Variants in POC1B observed in about 807,000 individuals in gnomAD.
POC1B encodes POC1 centriolar protein homolog B.
Under a neutral mutation model 60.6 loss-of-function variants are expected in POC1B, and 44 were observed. That is an observed-to-expected ratio of 0.73 (90% CI 0.57 to 0.93). The LOEUF is 0.93. POC1B is among the 40% of genes least tolerant of loss of function. The pLI, the probability that POC1B is intolerant of heterozygous loss-of-function variation, is 0.00. For missense variants in POC1B, 555 were observed against 572.3 expected (o/e 0.97, Z 0.31); for synonymous variants, 180 against 198.9 (o/e 0.90, Z 0.80).
chr12:89,491,430 C>T (rs1474838303), intron 4 of POC1B, among the ~76,000 whole-genome samples: 2 of 151,930 alleles, frequency 1.3e-5, no homozygotes, highest in Non-Finnish European at 2.9e-5. Context: ...TTGAGACCAG[C>T]TTGGGCAACA....
intron 2 of POC1B, among the ~76,000 whole-genome samples, chr12:89,512,317 G>A (rs191645181): frequency 6.6e-6 from 1 of 152,114 alleles, no homozygotes; most frequent in Non-Finnish European, 1.5e-5. Flanking sequence ...AGGAGCTGTG[G>A]GTGCTTTAAA....
rs940464973 is a variant in POC1B at position 89,526,027 on chromosome 12, TACA to T, written c.-135_-133del. On this transcript the variant is annotated 5_prime_UTR_variant, in exon 1 of 12. Coordinates refer to ENST00000313546, the MANE Select transcript of POC1B (RefSeq NM_172240.3). ...CAGAGCGGCAGCGCCTCCCGGTCAC[TACA>T]ACAACGGCGGCCCAGTCAAACCCCG... The T allele has an allele frequency of 6.5e-7, 1 of 1,535,972 alleles. No homozygotes were observed.
At chr12:89,467,401 T>C (rs1882723944) in intron 8 of POC1B, among the ~76,000 whole-genome samples, 1 of 152,194 alleles carries the variant, frequency 6.6e-6, no homozygotes, top group Non-Finnish European at 1.5e-5. Flanking sequence ...TAGTTAAGTG[T>C]AAAATGAGCA....
At chr12:89,441,737 G>A (rs374831065) in intron 10 of POC1B, among the ~76,000 whole-genome samples, 19 of 152,200 alleles carry the variant, frequency 1.2e-4, no homozygotes, top group East Asian at 5.8e-4. Flanking sequence ...GCAGCTCCTC[G>A]CCAGCAACGG....
chr12:89,423,703 G>A (rs1182541137), intron 11 of POC1B, among the ~76,000 whole-genome samples: 1 of 152,188 alleles, frequency 6.6e-6, no homozygotes, highest in Admixed American at 6.5e-5. Context: ...CCTTTTGCAA[G>A]TGTGTTGTGC....
At chr12:89,470,842 C>T (rs970195757) in intron 6 of POC1B, among the ~76,000 whole-genome samples, 11 of 152,140 alleles carry the variant, frequency 7.2e-5, no homozygotes, top group African/African-American at 2.4e-4. Context: ...TAATTAGTGG[C>T]TTGGGATTAA....
chr12:89,509,786 A>G (rs753304781), intron 2 of POC1B, among the ~76,000 whole-genome samples: 1 of 152,192 alleles, frequency 6.6e-6, no homozygotes, highest in Non-Finnish European at 1.5e-5. Flanking sequence ...TACAAACAGT[A>G]GTTTCAGAAT....
rs950378216 is a variant in POC1B, at chr12:89,511,452, C to A, written c.100+13668G>T. 2.0e-5 allele frequency among the ~76,000 whole-genome samples: 3 copies of A among 151,936 alleles called. 1 individual carries two copies. The highest frequency in any genetic ancestry group is 7.3e-5 in the African/African-American group (3 of 41,362). ...AAAAAATTCCTGATAATTCAGATTA[C>A]CTTCATATAGAAATCCTTGGATTTT... On this transcript the variant is annotated intron_variant, in intron 2 of 11. Transcript: ENST00000313546.
chr12:89,502,430 C>T lies in POC1B; in HGVS notation c.101-5088G>A, dbSNP rs144808864. The T allele has an allele frequency of 3.2e-5, 43 of 1,343,454 alleles. No homozygotes were observed. The Admixed American group carries it at 7.4e-4, about 23-fold the overall frequency. The allele number at this position is 1,343,454 out of a possible 1,614,324, so 83.2% of individuals were successfully genotyped here. A position where few individuals can be genotyped will look rare whatever the true frequency, so the allele number is the denominator to read the frequency against. The stretch of plus-strand genomic sequence containing the variant: ...TTCGTGATTAGTGGAATACTATCTC[C>T]AGGCAAAATATCGTCTAAAAGGAAG... On this transcript the variant is annotated intron_variant, in intron 2 of 11. Transcript: ENST00000313546.
downstream of POC1B, among the ~76,000 whole-genome samples, chr12:89,418,924 T>A (rs896387707): frequency 6.6e-6 from 1 of 152,164 alleles, no homozygotes; most frequent in African/African-American, 2.4e-5. Flanking sequence ...AGGAGGCAAC[T>A]GTAGTCTTCC....
At position 89,459,711 on chromosome 12, in the gene POC1B, G is replaced by A. The variant is rs2120804981; in HGVS notation, c.1040C>T (p.Pro347Leu). 6.5e-7 allele frequency: 1 copy of A among 1,529,664 alleles called. No individual in the cohort carries two copies. Among genetic ancestry groups the A allele is most frequent in the Non-Finnish European group, 8.8e-7 (1 of 1,133,766 alleles). The allele number at this position is 1,529,664 out of a possible 1,614,324, so 94.8% of individuals were successfully genotyped here. A position where few individuals can be genotyped will look rare whatever the true frequency, so the allele number is the denominator to read the frequency against. ...EEKVETVEIN[P>L]KLEVIDLQIS... is the part of the protein sequence containing the mutation. Reference sequence around the variant, plus strand: ...CTGCAAATCGATTACCTCAAGCTTTGGATTAATCTGTGTATATACATAAAA... The same window carrying A: ...CTGCAAATCGATTACCTCAAGCTTTAGATTAATCTGTGTATATACATAAAA... The change falls in exon 10 of 12, where the codon CCA becomes CTA. Residue 347 changes from proline (P) to leucine (L), a missense_variant. Transcript: ENST00000313546.
At chr12:89,501,877 C>A (rs878950659) in intron 2 of POC1B, 2 of 1,208,738 alleles carry the variant, frequency 1.7e-6, no homozygotes, top group Admixed American at 1.7e-5. Flanking sequence ...CCAAAGAGTA[C>A]AGAAGTTTTT....
At chr12:89,459,519 G>A in intron 10 of POC1B, 119 bp downstream of exon 10, 1 of 346,932 alleles carries the variant, frequency 2.9e-6, no homozygotes, top group Admixed American at 5.4e-5. Flanking sequence ...ATACTAAAAT[G>A]TTAGGCTACA....
chr12:89,425,393 G>T lies in POC1B; in HGVS notation c.1114-14C>A, dbSNP rs1483146617. ...GGTTTCTGTTGTCTTTAATGTCACAGAAAATGTAGGAAGAGTTATATTTTC... is the reference window on the plus strand; with the variant it reads ...GGTTTCTGTTGTCTTTAATGTCACATAAAATGTAGGAAGAGTTATATTTTC... On this transcript the variant is annotated splice_polypyrimidine_tract_variant and intron_variant, in intron 10 of 11. Transcript: ENST00000313546. 6.3e-7 allele frequency: 1 copy of T among 1,592,662 alleles called. No individual in the cohort carries two copies. Among genetic ancestry groups the T allele is most frequent in the East Asian group, 2.2e-5 (1 of 44,722 alleles).
chr12:89,456,959 G>A (rs1227600443), intron 10 of POC1B, among the ~76,000 whole-genome samples: 1 of 152,066 alleles, frequency 6.6e-6, no homozygotes, highest in Admixed American at 6.6e-5. Context: ...ACAAATTAAG[G>A]TTTAAAGAGA....
intron 10 of POC1B, among the ~76,000 whole-genome samples, chr12:89,435,646 G>T (rs1881224921): frequency 6.6e-6 from 1 of 152,048 alleles, no homozygotes; most frequent in South Asian, 2.1e-4. Context: ...TTTTGCTGGT[G>T]GAAGAAACTC....
Position 89,490,660 on chromosome 12 carries a change from T to C in POC1B, c.452+1276A>G, listed in dbSNP as rs546310903. On this transcript the variant is annotated intron_variant, in intron 4 of 11. Coordinates refer to ENST00000313546, the MANE Select transcript of POC1B (RefSeq NM_172240.3). ...GTGCCCAGCCCCCAGACAGTTCTGA[T>C]AGGGAAATGCAATCTGCACTTTCAG... Among the ~76,000 whole-genome samples, 5 of 152,226 alleles carry C rather than the reference T, an allele frequency of 3.3e-5. No homozygotes were observed. The East Asian group carries it at 9.7e-4, about 29-fold the overall frequency.
chr12:89,454,573 C>A (rs748773506), intron 10 of POC1B, among the ~76,000 whole-genome samples: 16 of 152,190 alleles, frequency 1.1e-4, no homozygotes, highest in Non-Finnish European at 1.9e-4. Context: ...TGCTCCCACT[C>A]TCCTGGAGAG....
chr12:89,507,195 A>G (rs957314287), intron 2 of POC1B, among the ~76,000 whole-genome samples: 6 of 141,152 alleles, frequency 4.3e-5, no homozygotes, highest in African/African-American at 7.7e-5. Context: ...GAGGTGGGAG[A>G]TAGAGGCTGT....
Sources: gnomAD v4.1 joint callset for allele counts (sites outside exome capture counted in the v4.1 genomes callset) on GRCh38, gnomAD v4.1.1 for gene constraint, MANE v1.5 for transcripts, NCBI Gene and HGNC (gene_info 2026-07-23, HGNC 2026-07-21) for gene names.